The following FOCAD variants were observed in gnomAD, a reference collection of about 807,000 sequenced individuals.
FOCAD encodes focadhesin.
In FOCAD, 198 loss-of-function variants were observed where a neutral mutation model predicts 225.6. That is an observed-to-expected ratio of 0.88 (90% CI 0.78 to 0.99). The LOEUF is 0.99. Among genes scored for constraint, FOCAD ranks in the 50% least tolerant of loss-of-function variants. The probability of loss-of-function intolerance (pLI) is 0.00; values close to 1 mark genes in which losing one functional copy is unlikely to be tolerated. For synonymous variants in FOCAD, 897 were observed against 755.0 expected (o/e 1.19, Z -3.08); for missense variants, 2,713 against 2,123.6 (o/e 1.28, Z -5.46).
rs749647717 is a variant in FOCAD, at chr9:20,951,038, G to T, written c.3991G>T (p.Val1331Phe). The change falls in exon 34 of 44, where the codon GTC becomes TTC. Residue 1331 changes from valine to phenylalanine, a missense_variant. Transcript: ENST00000338382. ...SGVIGLQSNA[V>F]WLLGHLHLST... ...GGTGATTGGTCTCCAGTCAAATGCA[G>T]TCTGGCTTCTTGGACATCTTCATCT... The T allele has an allele frequency of 3.1e-6, 5 of 1,613,642 alleles. No individual in the cohort carries two copies. The Admixed American group carries it at 6.7e-5, about 22-fold the overall frequency.
intron 23 of FOCAD, among the ~76,000 whole-genome samples, chr9:20,915,063 TAG>T (rs1833759869): frequency 6.6e-6 from 1 of 152,098 alleles, no homozygotes; most frequent in Non-Finnish European, 1.5e-5. Context: ...CAAGGAAGAC[TAG>T]AGAAAAGCAG....
Position 20,995,615 on chromosome 9 carries a change from G to T in FOCAD, c.5392G>T (p.Ala1798Ser). ...EFKKKAVWTR[A>S]YGW is the part of the protein sequence containing the mutation. ...TAAGAAGAAAGCTGTATGGACCAGA[G>T]CATATGGTTGGTGAACAGTTTTGCA... Residue 1798 changes from alanine to serine, a missense_variant, in exon 44 of 44, where the codon GCA becomes TCA. Ala to Ser is a moderately conservative substitution (Grantham distance 99, BLOSUM62 1). Transcript: ENST00000338382. 4 of 1,612,656 alleles carry T rather than the reference G, an allele frequency of 2.5e-6. No homozygotes were observed. Among genetic ancestry groups the T allele is most frequent in the Non-Finnish European group, 2.5e-6 (3 of 1,178,806 alleles).
At chr9:20,678,737 C>T (rs1822310628) in intron 2 of FOCAD, among the ~76,000 whole-genome samples, 2 of 152,184 alleles carry the variant, frequency 1.3e-5, no homozygotes, top group Non-Finnish European at 2.9e-5. Context: ...TGACCAAATG[C>T]CCCAAACACA....
intron 9 of FOCAD, 49 bp downstream of exon 9, chr9:20,778,817 A>G: frequency 2.9e-6 from 3 of 1,044,712 alleles, no homozygotes; most frequent in South Asian, 2.7e-5. Context: ...TAACATGAGT[A>G]TTGACAGGAT....
intron 15 of FOCAD, among the ~76,000 whole-genome samples, chr9:20,855,812 T>TTTA (rs1370432653): frequency 6.7e-6 from 1 of 149,368 alleles, no homozygotes; most frequent in Admixed American, 6.7e-5. Context: ...TTTTTTTTTT[T>TTTA]AACACTTCCA....
At chr9:20,749,917 G>A (rs1166054602) in intron 5 of FOCAD, among the ~76,000 whole-genome samples, 4 of 152,116 alleles carry the variant, frequency 2.6e-5, no homozygotes, top group African/African-American at 9.7e-5. Flanking sequence ...TCCAGTTACA[G>A]ATTTTATCAT....
intron 21 of FOCAD, 82 bp downstream of exon 21, chr9:20,885,312 A>T (rs1831020132): frequency 1.3e-5 from 16 of 1,274,002 alleles, no homozygotes; most frequent in Admixed American, 3.1e-5. Context: ...TTTAGAAATA[A>T]TTTTTTTGAT....
intron 11 of FOCAD, among the ~76,000 whole-genome samples, chr9:20,804,322 G>A (rs1258632232): frequency 6.6e-6 from 1 of 151,934 alleles, no homozygotes; most frequent in Non-Finnish European, 1.5e-5. Context: ...GACAACAGTG[G>A]AATTTCACTA....
chr9:20,931,101 C>G (rs1337467856), intron 27 of FOCAD, among the ~76,000 whole-genome samples: 1 of 152,180 alleles, frequency 6.6e-6, no homozygotes, highest in Non-Finnish European at 1.5e-5. Context: ...GATGCTGCTG[C>G]TTTTAGGCTG....
chr9:20,719,513 T>C (rs1031643481), intron 3 of FOCAD, among the ~76,000 whole-genome samples: 2 of 152,178 alleles, frequency 1.3e-5, no homozygotes, highest in Non-Finnish European at 2.9e-5. Flanking sequence ...TCTTTTTTTT[T>C]TATAATACAA....
chr9:20,889,645 G>A (rs755654372), intron 21 of FOCAD, among the ~76,000 whole-genome samples: 5 of 152,006 alleles, frequency 3.3e-5, no homozygotes, highest in East Asian at 1.9e-4. Flanking sequence ...AATAACTTTC[G>A]CTTTATAATG....
intron 15 of FOCAD, among the ~76,000 whole-genome samples, chr9:20,826,356 C>A (rs898014125): frequency 6.6e-6 from 1 of 152,056 alleles, no homozygotes; most frequent in Admixed American, 6.6e-5. Flanking sequence ...ATGCTTCCTG[C>A]CCTCGAACAT....
At chr9:20,693,586 G>C (rs1020744975) in intron 1 of FOCAD, among the ~76,000 whole-genome samples, 3 of 152,176 alleles carry the variant, frequency 2.0e-5, no homozygotes, top group African/African-American at 2.4e-5. Context: ...TTAAATGGAG[G>C]AATGAAAGGT....
At chr9:20,986,200 C>T in intron 39 of FOCAD, 88 bp from the exon 40 acceptor site, 3 of 1,238,336 alleles carry the variant, frequency 2.4e-6, no homozygotes, top group Middle Eastern at 2.6e-4. Context: ...TCCAACTCAT[C>T]TTTTTTGTTT....
At chr9:20,779,353 T>G (rs1436128071) in intron 9 of FOCAD, among the ~76,000 whole-genome samples, 1 of 152,220 alleles carries the variant, frequency 6.6e-6, no homozygotes, top group African/African-American at 2.4e-5. Context: ...TGCCTCACTT[T>G]ACTTGGTCTG....
chr9:20,693,631 A>C (rs909249432), intron 1 of FOCAD, among the ~76,000 whole-genome samples: 5 of 152,150 alleles, frequency 3.3e-5, no homozygotes, highest in African/African-American at 1.2e-4. Flanking sequence ...TATCTCTTCC[A>C]TTCTTTATGG....
chr9:20,915,816 A>G (rs1022494654), intron 23 of FOCAD, among the ~76,000 whole-genome samples: 6 of 152,186 alleles, frequency 3.9e-5, no homozygotes, highest in African/African-American at 1.4e-4. Context: ...AGGTAGCTTT[A>G]GTGCACAAGT....
chr9:20,725,594 C>G (rs776387733), intron 4 of FOCAD, among the ~76,000 whole-genome samples: 4 of 152,166 alleles, frequency 2.6e-5, no homozygotes, highest in Admixed American at 6.5e-5. Context: ...TCTCTTCCAG[C>G]CTTATAACTT....
At chr9:20,845,073 AGTGTCT>A (rs1301119977) in intron 15 of FOCAD, among the ~76,000 whole-genome samples, 1 of 152,110 alleles carries the variant, frequency 6.6e-6, no homozygotes, top group Non-Finnish European at 1.5e-5. Context: ...ATGAGACTTC[AGTGTCT>A]GCTTCTTTAT....
Sources: allele counts gnomAD v4.1 joint callset (sites outside exome capture counted in the v4.1 genomes callset), GRCh38; gene constraint gnomAD v4.1.1; transcripts MANE v1.5; gene names NCBI Gene and HGNC (gene_info 2026-07-23, HGNC 2026-07-21).